Variants in TSPAN15 observed in about 807,000 individuals in gnomAD.
TSPAN15 encodes the protein tetraspanin-15.
A neutral mutation model predicts 34.5 loss-of-function variants in TSPAN15; 20 were observed. The ratio of observed to expected loss-of-function variants is 0.58; its 90% CI spans 0.41 to 0.84. TSPAN15 has a LOEUF of 0.84. Ranked by LOEUF, TSPAN15 falls within the 40% of genes least tolerant of loss-of-function variation. TSPAN15 has a pLI of 0.00. For synonymous variants in TSPAN15, 155 were observed against 153.9 expected (o/e 1.01, Z -0.05); for missense variants, 313 against 386.1 (o/e 0.81, Z 1.59).
At chr10:69,472,971 A>T (rs1397860598) in intron 1 of TSPAN15, among the ~76,000 whole-genome samples, 3 of 152,230 alleles carry the variant, frequency 2.0e-5, no homozygotes, top group Non-Finnish European at 4.4e-5. Flanking sequence ...GTGTTGCTGG[A>T]TCTAGCCACC....
intron 1 of TSPAN15, among the ~76,000 whole-genome samples, chr10:69,470,173 A>G (rs1196437617): frequency 6.6e-6 from 1 of 152,114 alleles, no homozygotes; most frequent in East Asian, 1.9e-4. Context: ...ATAGCTTCAC[A>G]GCTTCCTCAT....
chr10:69,479,896 C>T (rs545866639), intron 1 of TSPAN15, among the ~76,000 whole-genome samples: 1 of 152,244 alleles, frequency 6.6e-6, no homozygotes, highest in African/African-American at 2.4e-5. Flanking sequence ...TCTGCTAGAC[C>T]AGGAGAAATA....
chr10:69,483,331 G>T (rs181600261), intron 1 of TSPAN15, among the ~76,000 whole-genome samples: 11 of 152,042 alleles, frequency 7.2e-5, no homozygotes, highest in Non-Finnish European at 4.4e-5. Context: ...GCTTGTAGAC[G>T]CTGCCTTCTC....
At chr10:69,479,231 C>T (rs1438617929) in intron 1 of TSPAN15, among the ~76,000 whole-genome samples, 1 of 152,230 alleles carries the variant, frequency 6.6e-6, no homozygotes, top group Non-Finnish European at 1.5e-5. Flanking sequence ...TGTGGTGAGC[C>T]AGCCGGCACG....
chr10:69,539,427 AAGAAGAAGAAGAAG>A, the TSPAN15 span, among the ~76,000 whole-genome samples: 1 of 114,594 alleles, frequency 8.7e-6, no homozygotes, highest in Non-Finnish European at 1.9e-5. Context: ...AAGAAGAAGA[AAGAAGAAGAAGAAG>A]GAAGAAGAAG....
chr10:69,463,808 C>CAAAAAAAAA (rs56064605), intron 1 of TSPAN15, among the ~76,000 whole-genome samples: 1 of 116,972 alleles, frequency 8.5e-6, no homozygotes. Context: ...GACTCCGTCT[C>CAAAAAAAAA]AAAAAAAAAA....
chr10:69,494,951 C>T (rs1842046510), intron 3 of TSPAN15: 4 of 817,080 alleles, frequency 4.9e-6, no homozygotes, highest in Admixed American at 6.2e-5. Flanking sequence ...GGGCGGCCTG[C>T]CATGTTCCTC....
intron 1 of TSPAN15, among the ~76,000 whole-genome samples, chr10:69,482,373 A>G (rs1413175332): frequency 6.6e-6 from 1 of 152,210 alleles, no homozygotes; most frequent in African/African-American, 2.4e-5. Flanking sequence ...GGGTTCTCCT[A>G]GTGGAAAGTT....
the TSPAN15 span, among the ~76,000 whole-genome samples, chr10:69,531,338 C>T: frequency 6.6e-6 from 1 of 151,804 alleles, no homozygotes; most frequent in Non-Finnish European, 1.5e-5. Context: ...GTGGCTTATG[C>T]CTGTAATCCC....
At chr10:69,455,934 C>T (rs1404932971) in intron 1 of TSPAN15, among the ~76,000 whole-genome samples, 1 of 152,012 alleles carries the variant, frequency 6.6e-6, no homozygotes, top group Non-Finnish European at 1.5e-5. Context: ...TATCTCTTAC[C>T]TTTGTGGGTG....
the TSPAN15 span, among the ~76,000 whole-genome samples, chr10:69,539,266 G>A: frequency 6.6e-6 from 1 of 151,832 alleles, no homozygotes; most frequent in Admixed American, 6.6e-5. Flanking sequence ...TGGGAGGGGA[G>A]TGAGGGATAA....
rs535692277 is a variant in TSPAN15, at chr10:69,467,673, C to CACAA, written c.96+15985_96+15986insAAAC. On this transcript the variant is annotated intron_variant, in intron 1 of 7. Transcript: ENST00000373290. The stretch of plus-strand genomic sequence containing the variant: ...ACACACACACACACACACACACACA[C>CACAA]ACCTCTTCTTGGAAAACAGAACTTG... Among the ~76,000 whole-genome samples, 590 of 76,392 alleles carry CACAA rather than the reference C, an allele frequency of 7.7e-3. 17 individuals are homozygous for CACAA. The highest frequency in any genetic ancestry group is 0.017 in the African/African-American group (565 of 33,586). The allele number at this position is 76,392 out of a possible 152,430, so 50.1% of individuals were successfully genotyped here.
rs1842348681 is a variant in TSPAN15, at chr10:69,507,175, T to C, written c.*197T>C. The C allele has an allele frequency of 1.4e-6, 2 of 1,419,026 alleles. No homozygotes were observed. Among genetic ancestry groups the C allele is most frequent in the Non-Finnish European group, 9.1e-7 (1 of 1,095,370 alleles). The allele number at this position is 1,419,026 out of a possible 1,614,324, so 87.9% of individuals were successfully genotyped here. ...AGAGCCTGGGCCTCCCCTAAGAGGC[T>C]TTCCCCGAGGCAGCTCTGGAATCTG... On this transcript the variant is annotated 3_prime_UTR_variant, in exon 8 of 8. Transcript: ENST00000373290.
At chr10:69,460,016 G>GGAGAT (rs56801982) in intron 1 of TSPAN15, among the ~76,000 whole-genome samples, 9,875 of 140,798 alleles carry the variant, frequency 0.07, 540 homozygotes, top group Non-Finnish European at 0.1. Context: ...GGGTAGTTGG[G>GGAGAT]GAGATGAGAT....
At chr10:69,548,194 C>T in the TSPAN15 span, among the ~76,000 whole-genome samples, 1 of 152,178 alleles carries the variant, frequency 6.6e-6, no homozygotes, top group East Asian at 1.9e-4. Flanking sequence ...AATGCCACTA[C>T]AGACAGTGTG....
chr10:69,489,292 A>G (rs889491544), intron 3 of TSPAN15, among the ~76,000 whole-genome samples: 9 of 152,162 alleles, frequency 5.9e-5, no homozygotes, highest in African/African-American at 2.2e-4. Flanking sequence ...TGTTCCCTGA[A>G]AATCGCTGTT....
chr10:69,517,209 C>T, the TSPAN15 span, among the ~76,000 whole-genome samples: 7 of 152,198 alleles, frequency 4.6e-5, no homozygotes, highest in Non-Finnish European at 1.0e-4. Context: ...TGTGTCTTCT[C>T]CTCCATCTGC....
chr10:69,541,745 G>A, the TSPAN15 span, among the ~76,000 whole-genome samples: 2 of 152,252 alleles, frequency 1.3e-5, no homozygotes, highest in African/African-American at 2.4e-5. Flanking sequence ...ACACCTGTAA[G>A]CTGCCAAAGC....
intron 2 of TSPAN15, among the ~76,000 whole-genome samples, chr10:69,484,455 T>C (rs1243840670): frequency 3.3e-5 from 5 of 152,224 alleles, no homozygotes; most frequent in African/African-American, 1.2e-4. Flanking sequence ...ATCCTACCTG[T>C]ATCCCATTAT....
Sources: gnomAD v4.1 joint callset for allele counts (sites outside exome capture counted in the v4.1 genomes callset) on GRCh38, gnomAD v4.1.1 for gene constraint, MANE v1.5 for transcripts, NCBI Gene and HGNC (gene_info 2026-07-23, HGNC 2026-07-21) for gene names.